The following REPS2 variants were observed in gnomAD, a reference collection of about 807,000 sequenced individuals.
REPS2 encodes the protein RALBP1 associated Eps domain containing 2.
In REPS2, 23 loss-of-function variants were observed where a neutral mutation model predicts 53.6. The observed-to-expected ratio is 0.43, with a 90% confidence interval of 0.31 to 0.61. The LOEUF is 0.61. Ranked by LOEUF, REPS2 falls within the 20% of genes least tolerant of loss-of-function variation. The pLI, the probability that REPS2 is intolerant of heterozygous loss-of-function variation, is 0.11. For missense variants in REPS2, 446 were observed against 534.9 expected (o/e 0.83, Z 1.64); for synonymous variants, 238 against 218.6 (o/e 1.09, Z -0.78).
At chrX:17,047,653 G>A (rs1300965238) in intron 6 of REPS2, among the ~76,000 whole-genome samples, 171 bp downstream of exon 6, 3 of 112,600 alleles carry the variant, frequency 2.7e-5, no homozygotes, top group Non-Finnish European at 5.6e-5. Flanking sequence ...TGCCAATGAC[G>A]TTTGGAAAAT....
At chrX:17,027,808 T>G (rs1027488457) in intron 4 of REPS2, among the ~76,000 whole-genome samples, 8 of 110,253 alleles carry the variant, frequency 7.3e-5, no homozygotes, top group Non-Finnish European at 5.7e-5. Flanking sequence ...GAAAGAGAGT[T>G]GAGTAATAGC....
At chrX:17,066,030 GT>G (rs779529958) in intron 9 of REPS2, among the ~76,000 whole-genome samples, 1 of 111,751 alleles carries the variant, frequency 8.9e-6, no homozygotes, top group Admixed American at 9.5e-5. Flanking sequence ...TTGAAAAGAT[GT>G]TTTTTTCCCC....
intron 13 of REPS2, among the ~76,000 whole-genome samples, chrX:17,081,408 T>C (rs1471219149): frequency 8.9e-6 from 1 of 112,377 alleles, no homozygotes; most frequent in Non-Finnish European, 1.9e-5. Context: ...GTCCACAGAC[T>C]CTTGGTGTAG....
rs761765838 is a variant in REPS2, at chrX:17,147,436, A to G, written c.1938A>G (p.Ala646=). 101 of 1,206,267 alleles carry G rather than the reference A, an allele frequency of 8.4e-5. No individual in the cohort carries two copies. Among genetic ancestry groups the G allele is most frequent in the Non-Finnish European group, 1.1e-4 (99 of 892,794 alleles). The change falls in exon 18 of 18, where the codon GCA becomes GCG. Residue 646 remains alanine, a synonymous_variant. Transcript: ENST00000357277. ...QLKEVHQERI[A]LENQLEQLRP... is the part of the protein sequence containing the mutation. ...AGGAGGTTCATCAAGAACGAATTGC[A>G]TTGGAAAACCAATTGGAACAACTTC...
intron 2 of REPS2, among the ~76,000 whole-genome samples, chrX:17,017,307 T>C (rs1179141183): frequency 8.9e-6 from 1 of 111,804 alleles, no homozygotes; most frequent in East Asian, 2.8e-4. Flanking sequence ...TCCATAGCAA[T>C]GAAAAAGAAT....
At chrX:17,036,016 C>T (rs1294928671) in intron 5 of REPS2, among the ~76,000 whole-genome samples, 1 of 111,872 alleles carries the variant, frequency 8.9e-6, no homozygotes, top group East Asian at 2.8e-4. Context: ...TCCTTGTCTG[C>T]GTCTTGTGTA....
At chrX:16,947,373 G>C (rs1368419753) in intron 1 of REPS2, among the ~76,000 whole-genome samples, 4 of 112,024 alleles carry the variant, frequency 3.6e-5, no homozygotes, top group Non-Finnish European at 7.5e-5. Context: ...CCTTCCCTGA[G>C]ACAGTCTGAC....
At chrX:17,182,140 GTCTATCTATCTA>G in the REPS2 span, among the ~76,000 whole-genome samples, 304 of 101,252 alleles carry the variant, frequency 3.0e-3, no homozygotes, top group African/African-American at 3.7e-3. Context: ...TGCTCTATCT[GTCTATCTATCTA>G]TCTATCTATC....
intron 12 of REPS2, among the ~76,000 whole-genome samples, chrX:17,075,744 G>T (rs1406137230): frequency 8.9e-6 from 1 of 112,436 alleles, no homozygotes; most frequent in Non-Finnish European, 1.9e-5. Context: ...AGGAATGTGC[G>T]CTGTGGGATT....
At chrX:17,120,840 G>A (rs1009954382) in intron 14 of REPS2, among the ~76,000 whole-genome samples, 7 of 111,950 alleles carry the variant, frequency 6.3e-5, no homozygotes, top group Admixed American at 1.9e-4. Flanking sequence ...CAAGAGGCAC[G>A]CATAGCGCAT....
intron 14 of REPS2, among the ~76,000 whole-genome samples, chrX:17,130,720 T>A (rs1235562695): frequency 1.6e-4 from 5 of 30,763 alleles, no homozygotes; most frequent in Non-Finnish European, 5.9e-5. Context: ...TGAGTAACAC[T>A]CAGGCCTGAG....
chrX:17,061,191 A>T (rs771869667), intron 8 of REPS2, among the ~76,000 whole-genome samples: 2 of 112,155 alleles, frequency 1.8e-5, no homozygotes, highest in Non-Finnish European at 3.8e-5. Context: ...AGGTGCTTGT[A>T]CTCAACTCCA....
rs1303093433 is a variant in REPS2 at position 17,150,255 on chromosome X, C to T, written c.*2774C>T. ...ACTGAAATCACCATTATACCTCTTCCATAAAACGACTCCAAAGTTAGACCT... is the reference window on the plus strand; with the variant it reads ...ACTGAAATCACCATTATACCTCTTCTATAAAACGACTCCAAAGTTAGACCT... On this transcript the variant is annotated 3_prime_UTR_variant, in exon 18 of 18. Transcript: ENST00000357277. 1 of 111,266 alleles carries T rather than the reference C, an allele frequency of 9.0e-6. No homozygotes were observed. Among genetic ancestry groups the T allele is most frequent in the Non-Finnish European group, 1.9e-5 (1 of 53,028 alleles). The allele number at this position is 111,266 out of a possible 1,213,427, so 9.2% of individuals were successfully genotyped here.
At chrX:17,186,970 A>T in the REPS2 span, among the ~76,000 whole-genome samples, 7 of 111,527 alleles carry the variant, frequency 6.3e-5, no homozygotes, top group African/African-American at 2.3e-4. Context: ...AAAACTACAT[A>T]TTGGGTACAA....
the REPS2 span, among the ~76,000 whole-genome samples, chrX:17,166,234 C>T: frequency 1.8e-5 from 2 of 110,592 alleles, no homozygotes; most frequent in African/African-American, 3.3e-5. Flanking sequence ...TGTATTTCTC[C>T]TCTGGTACCA....
intron 1 of REPS2, among the ~76,000 whole-genome samples, chrX:16,976,448 T>C (rs1319344215): frequency 1.8e-5 from 2 of 111,203 alleles, no homozygotes; most frequent in East Asian, 5.6e-4. Flanking sequence ...TCATCTTGGT[T>C]GTCTACCAAT....
intron 1 of REPS2, among the ~76,000 whole-genome samples, chrX:16,964,483 C>G (rs2060707597): frequency 9.2e-6 from 1 of 109,175 alleles, no homozygotes; most frequent in African/African-American, 3.4e-5. Flanking sequence ...CCCACCTTTC[C>G]CCCCTTTCTA....
chrX:17,010,720 G>T (rs907941717), intron 2 of REPS2, among the ~76,000 whole-genome samples: 2 of 111,010 alleles, frequency 1.8e-5, no homozygotes, highest in Non-Finnish European at 3.8e-5. Context: ...GCATGAGGAG[G>T]GTGTCTTAAT....
intron 8 of REPS2, among the ~76,000 whole-genome samples, chrX:17,060,986 A>G (rs954471802): frequency 9.0e-6 from 1 of 110,899 alleles, no homozygotes; most frequent in African/African-American, 3.3e-5. Context: ...AGTGATATGG[A>G]GAGATGTGGA....
Sources: allele counts gnomAD v4.1 joint callset (sites outside exome capture counted in the v4.1 genomes callset), GRCh38; gene constraint gnomAD v4.1.1; transcripts MANE v1.5; gene names NCBI Gene and HGNC (gene_info 2026-07-23, HGNC 2026-07-21).